The following SOX6 variants were observed in gnomAD, a reference collection of about 807,000 sequenced individuals.
The protein encoded by SOX6 is SRY-box transcription factor 6, also known as transcription factor SOX-6.
A neutral mutation model predicts 97.8 loss-of-function variants in SOX6; 11 were observed. The ratio of observed to expected loss-of-function variants is 0.11; its 90% CI spans 0.07 to 0.19. SOX6 has a LOEUF of 0.19. Among genes scored for constraint, SOX6 ranks in the 10% least tolerant of loss-of-function variants. SOX6 has a pLI of 1.00. For missense variants in SOX6, 810 were observed against 1,039.5 expected, an observed-to-expected ratio of 0.78 and a Z score of 3.04; for synonymous variants, 360 against 371.4, an observed-to-expected ratio of 0.97 and a Z score of 0.35.
intron 4 of SOX6, among the ~76,000 whole-genome samples, chr11:16,538,912 TCAA>T (rs1861356519): frequency 6.6e-6 from 1 of 152,088 alleles, no homozygotes; most frequent in Non-Finnish European, 1.5e-5. Context: ...ATTAGACAGA[TCAA>T]CGAGACAGAA....
At chr11:16,437,942 T>C (rs1859416507) in intron 1 of SOX6, among the ~76,000 whole-genome samples, 1 of 152,114 alleles carries the variant, frequency 6.6e-6, no homozygotes, top group Admixed American at 6.5e-5. Context: ...CATGTGTGAG[T>C]GTAGGGAAGA....
intron 6 of SOX6, among the ~76,000 whole-genome samples, chr11:16,133,878 G>C (rs900071413): frequency 1.3e-5 from 2 of 152,040 alleles, no homozygotes; most frequent in Non-Finnish European, 2.9e-5. Flanking sequence ...GTAGAGACAG[G>C]GTTTCACCAT....
intron 4 of SOX6, among the ~76,000 whole-genome samples, chr11:16,528,367 C>G (rs768323547): frequency 2.0e-5 from 3 of 152,064 alleles, no homozygotes; most frequent in Admixed American, 1.3e-4. Context: ...TTATTCTCAT[C>G]TTTTAGAAAA....
intron 4 of SOX6, among the ~76,000 whole-genome samples, chr11:16,229,109 T>C (rs1852772262): frequency 6.6e-6 from 1 of 152,148 alleles, no homozygotes; most frequent in Admixed American, 6.6e-5. Flanking sequence ...CCAATGGCAG[T>C]GATAAAGGCT....
chr11:16,727,498 C>T (rs1332775892), intron 2 of SOX6, among the ~76,000 whole-genome samples: 1 of 151,368 alleles, frequency 6.6e-6, no homozygotes, highest in South Asian at 2.1e-4. Context: ...GGTGTGATCT[C>T]AGCTCACAGA....
chr11:16,562,265 G>T (rs1847824430), intron 4 of SOX6, among the ~76,000 whole-genome samples: 1 of 152,132 alleles, frequency 6.6e-6, no homozygotes, highest in Non-Finnish European at 1.5e-5. Context: ...TCTAAAAAGT[G>T]GAAAGAAGAC....
chr11:16,001,143 A>G (rs1015842057), intron 13 of SOX6, among the ~76,000 whole-genome samples: 3 of 152,010 alleles, frequency 2.0e-5, no homozygotes, highest in Admixed American at 1.3e-4. Flanking sequence ...GGGATTACAG[A>G]CGTGAGCCAC....
chr11:16,021,131 A>T (rs1365781714), intron 12 of SOX6, among the ~76,000 whole-genome samples: 1 of 152,206 alleles, frequency 6.6e-6, no homozygotes, highest in Non-Finnish European at 1.5e-5. Flanking sequence ...TCTGCAGATT[A>T]ATACAATCCA....
chr11:16,344,950 T>A (rs1230966503), intron 1 of SOX6, among the ~76,000 whole-genome samples: 1 of 151,962 alleles, frequency 6.6e-6, no homozygotes, highest in Non-Finnish European at 1.5e-5. Context: ...GTTCTATTAT[T>A]CTAAACTATC....
At chr11:16,475,725 G>C (rs141963978) in intron 1 of SOX6, among the ~76,000 whole-genome samples, 4 of 152,260 alleles carry the variant, frequency 2.6e-5, no homozygotes, top group African/African-American at 2.4e-5. Flanking sequence ...CATGAAGTGA[G>C]CACATGCTGT....
intron 1 of SOX6, among the ~76,000 whole-genome samples, chr11:16,458,121 A>G (rs1183839931): frequency 6.6e-6 from 1 of 151,858 alleles, no homozygotes; most frequent in Non-Finnish European, 1.5e-5. Flanking sequence ...GCTTTCATTT[A>G]CTCAAATGTT....
chr11:16,507,005 A>C (rs1019050773), intron 4 of SOX6, among the ~76,000 whole-genome samples: 2 of 152,168 alleles, frequency 1.3e-5, no homozygotes, highest in Admixed American at 1.3e-4. Context: ...CAGAGGTTGC[A>C]ATGAGCCAAG....
intron 1 of SOX6, among the ~76,000 whole-genome samples, chr11:16,353,722 G>A (rs537843567): frequency 6.6e-6 from 1 of 152,108 alleles, no homozygotes; most frequent in South Asian, 2.1e-4. Context: ...TAAAAGACAA[G>A]TATGACTACC....
chr11:16,175,352 T>A (rs1851156502), intron 6 of SOX6, among the ~76,000 whole-genome samples: 1 of 152,056 alleles, frequency 6.6e-6, no homozygotes, highest in South Asian at 2.1e-4. Context: ...AAAGCTACTG[T>A]AAGGTATTGT....
intron 9 of SOX6, among the ~76,000 whole-genome samples, chr11:16,072,862 G>T (rs1848257973): frequency 6.6e-6 from 1 of 152,118 alleles, no homozygotes; most frequent in Non-Finnish European, 1.5e-5. Flanking sequence ...TTTAAGTAAA[G>T]GAGAAATCAG....
At chr11:16,157,898 C>CT (rs1279769235) in intron 6 of SOX6, among the ~76,000 whole-genome samples, 3 of 151,958 alleles carry the variant, frequency 2.0e-5, no homozygotes, top group Non-Finnish European at 4.4e-5. Context: ...TCAAATGTCA[C>CT]TTCTTTGAGC....
intron 6 of SOX6, among the ~76,000 whole-genome samples, chr11:16,143,935 C>T (rs1850219128): frequency 6.6e-6 from 1 of 152,120 alleles, no homozygotes; most frequent in Admixed American, 6.5e-5. Context: ...CAACATTAGA[C>T]AGACCAATGA....
intron 12 of SOX6, among the ~76,000 whole-genome samples, chr11:16,025,254 T>C (rs1855182399): frequency 6.6e-6 from 1 of 152,212 alleles, no homozygotes; most frequent in Non-Finnish European, 1.5e-5. Context: ...GTTTCAACTT[T>C]TTATTCGTGT....
At chr11:16,389,970 A>T (rs12792643) in intron 1 of SOX6, among the ~76,000 whole-genome samples, 1 of 69,944 alleles carries the variant, frequency 1.4e-5, no homozygotes, top group Non-Finnish European at 2.5e-5. Flanking sequence ...ACTCCGTCTT[A>T]AAAAAAAAAA....
Sources: allele counts gnomAD v4.1 joint callset (sites outside exome capture counted in the v4.1 genomes callset), GRCh38; gene constraint gnomAD v4.1.1; transcripts MANE v1.5; gene names NCBI Gene and HGNC (gene_info 2026-07-23, HGNC 2026-07-21).